The following PABPC4L variants were observed in gnomAD, a reference collection of about 807,000 sequenced individuals.
The protein encoded by PABPC4L is polyadenylate-binding protein 4-like.
For missense variants in PABPC4L, 452 were observed against 451.4 expected (o/e 1.00, Z -0.01); for synonymous variants, 169 against 164.1 (o/e 1.03, Z -0.23).
chr4:133,962,498 T>G, the PABPC4L span, among the ~76,000 whole-genome samples: 18 of 152,080 alleles, frequency 1.2e-4, no homozygotes, highest in African/African-American at 4.1e-4. Context: ...CTCTGCAAAG[T>G]CTCAGCAATA....
the PABPC4L span, among the ~76,000 whole-genome samples, chr4:133,975,680 A>G: frequency 6.6e-6 from 1 of 152,120 alleles, no homozygotes; most frequent in Non-Finnish European, 1.5e-5. Context: ...CCCCATTATA[A>G]CAGAGGCATG....
the PABPC4L span, among the ~76,000 whole-genome samples, chr4:134,140,530 G>T: frequency 6.6e-6 from 1 of 151,708 alleles, no homozygotes; most frequent in Non-Finnish European, 1.5e-5. Flanking sequence ...CACGATGATG[G>T]CTGTCAGCCA....
the PABPC4L span, among the ~76,000 whole-genome samples, chr4:134,147,262 A>G: frequency 1.3e-5 from 2 of 152,188 alleles, no homozygotes; most frequent in East Asian, 1.9e-4. Context: ...TTGTTTGTCA[A>G]TTTTAATTTT....
the PABPC4L span, among the ~76,000 whole-genome samples, chr4:134,123,295 G>T: frequency 3.9e-5 from 6 of 151,936 alleles, no homozygotes; most frequent in African/African-American, 1.4e-4. Flanking sequence ...CAGCATCTCA[G>T]AACTATGCTT....
At chr4:134,116,146 A>G in the PABPC4L span, among the ~76,000 whole-genome samples, 3 of 151,806 alleles carry the variant, frequency 2.0e-5, no homozygotes, top group East Asian at 1.9e-4. Context: ...AGGGACTGCA[A>G]AGTAGAAGCA....
the PABPC4L span, among the ~76,000 whole-genome samples, chr4:134,170,334 T>A: frequency 6.6e-6 from 1 of 152,172 alleles, no homozygotes; most frequent in Non-Finnish European, 1.5e-5. Flanking sequence ...ATTCCATGTA[T>A]TTAGTTTTTA....
chr4:134,124,798 A>G, the PABPC4L span, among the ~76,000 whole-genome samples: 11 of 152,210 alleles, frequency 7.2e-5, no homozygotes, highest in South Asian at 1.7e-3. Context: ...AGGAGAGTAC[A>G]AAGAACAAAG....
the PABPC4L span, among the ~76,000 whole-genome samples, chr4:134,013,376 C>T: frequency 6.6e-6 from 1 of 151,994 alleles, no homozygotes; most frequent in African/African-American, 2.4e-5. Flanking sequence ...CTCCGTGTCT[C>T]TACTCTCTTT....
chr4:134,002,922 G>A, the PABPC4L span, among the ~76,000 whole-genome samples: 1 of 151,772 alleles, frequency 6.6e-6, no homozygotes, highest in African/African-American at 2.4e-5. Flanking sequence ...TGGAACATGA[G>A]GAGTCTATTG....
At chr4:134,092,329 T>A in the PABPC4L span, among the ~76,000 whole-genome samples, 1 of 152,020 alleles carries the variant, frequency 6.6e-6, no homozygotes. Context: ...TGCCTGAATG[T>A]CGAAGAGGCA....
At chr4:134,164,073 C>T in the PABPC4L span, among the ~76,000 whole-genome samples, 1 of 150,982 alleles carries the variant, frequency 6.6e-6, no homozygotes, top group Non-Finnish European at 1.5e-5. Flanking sequence ...ACCATCCCGG[C>T]TAAAATGGTG....
At chr4:133,948,700 A>C in the PABPC4L span, among the ~76,000 whole-genome samples, 1 of 152,210 alleles carries the variant, frequency 6.6e-6, no homozygotes, top group Non-Finnish European at 1.5e-5. Flanking sequence ...TCGAATTGGT[A>C]TTCCATCCTA....
At chr4:133,966,810 G>C in the PABPC4L span, among the ~76,000 whole-genome samples, 1 of 152,110 alleles carries the variant, frequency 6.6e-6, no homozygotes, top group African/African-American at 2.4e-5. Flanking sequence ...CTTGGGGGTA[G>C]GGTGGGAGTG....
chr4:134,160,948 C>T, the PABPC4L span, among the ~76,000 whole-genome samples: 1 of 151,734 alleles, frequency 6.6e-6, no homozygotes, highest in East Asian at 1.9e-4. Flanking sequence ...AAGTGAGGAA[C>T]CAGTGACCGA....
chr4:134,106,737 C>T, the PABPC4L span, among the ~76,000 whole-genome samples: 18 of 151,356 alleles, frequency 1.2e-4, no homozygotes, highest in African/African-American at 4.1e-4. Flanking sequence ...TGTGATGAGT[C>T]GCATGCACTG....
chr4:134,183,901 C>T, the PABPC4L span, among the ~76,000 whole-genome samples: 2 of 151,114 alleles, frequency 1.3e-5, no homozygotes, highest in East Asian at 3.9e-4. Context: ...CAATAAAATC[C>T]CTAAAAGATT....
the PABPC4L span, among the ~76,000 whole-genome samples, chr4:134,190,529 C>T: frequency 3.3e-5 from 5 of 152,032 alleles, no homozygotes; most frequent in Non-Finnish European, 7.4e-5. Context: ...CTCATTTCTT[C>T]AACATTTTCT....
the PABPC4L span, among the ~76,000 whole-genome samples, chr4:134,123,138 G>C: frequency 1.3e-5 from 2 of 151,818 alleles, no homozygotes; most frequent in Admixed American, 1.3e-4. Context: ...TCTTTTAAAG[G>C]CACCTTATTT....
chr4:134,160,383 T>C, the PABPC4L span, among the ~76,000 whole-genome samples: 4 of 152,070 alleles, frequency 2.6e-5, no homozygotes, highest in Non-Finnish European at 5.9e-5. Context: ...ATTAGGAGTC[T>C]ACAAGAGCCA....
Sources: gnomAD v4.1 joint callset for allele counts (sites outside exome capture counted in the v4.1 genomes callset) on GRCh38, gnomAD v4.1.1 for gene constraint, MANE v1.5 for transcripts, NCBI Gene and HGNC (gene_info 2026-07-23, HGNC 2026-07-21) for gene names.